DNAH6: variants seen among roughly 807,000 people sequenced by gnomAD.
The protein encoded by DNAH6 is axonemal beta dynein heavy chain 6.
DNAH6 carries 340 observed loss-of-function variants against 491.4 expected under a neutral mutation model. The observed-to-expected ratio is 0.69, with a 90% CI of 0.63 to 0.76. The LOEUF (loss-of-function observed/expected upper bound fraction) is 0.76. Among genes scored for constraint, DNAH6 ranks in the 30% least tolerant of loss-of-function variants. DNAH6 has a pLI of 0.00. For missense variants in DNAH6, 4,443 were observed against 4,972.2 expected (o/e 0.89, Z 3.20); for synonymous variants, 1,603 against 1,686.1 (o/e 0.95, Z 1.21).
chr2:84,539,244 C>T (rs985339585), intron 4 of DNAH6, among the ~76,000 whole-genome samples: 1 of 152,114 alleles, frequency 6.6e-6, no homozygotes, highest in Non-Finnish European at 1.5e-5. Context: ...CCCTGGTTTA[C>T]ATTAGATCTA....
chr2:84,542,545 A>C (rs545083538), intron 4 of DNAH6, among the ~76,000 whole-genome samples: 1 of 152,204 alleles, frequency 6.6e-6, no homozygotes, highest in South Asian at 2.1e-4. Flanking sequence ...AGTTGGAGGG[A>C]CTATTCCTCT....
At chr2:84,597,461 G>A (rs1002063080) in intron 18 of DNAH6, among the ~76,000 whole-genome samples, 3 of 152,222 alleles carry the variant, frequency 2.0e-5, no homozygotes, top group African/African-American at 7.2e-5. Context: ...ATAGGAATAA[G>A]TGTTGTAGGG....
Position 84,713,184 on chromosome 2 carries a change from C to T in DNAH6, c.9468C>T (p.Asp3156=), listed in dbSNP as rs369442226. 90 of 1,551,842 alleles carry T rather than the reference C, an allele frequency of 5.8e-5. 1 individual carries two copies. The highest frequency in any genetic ancestry group is 5.9e-5 in the Admixed American group (3 of 50,998). Residue 3156 remains aspartate (D), a synonymous_variant, in exon 57 of 77, where the codon GAC becomes GAT. Coordinates refer to ENST00000389394, the MANE Select transcript of DNAH6 (RefSeq NM_001370.2). ...GCCGACTACTCATCCGTCTTGGAGA[C>T]TCAGACATTGATTATGACAAAAACT... is the stretch of plus-strand genomic sequence containing the variant. ...SGGRLLIRLG[D]SDIDYDKNFR...
chr2:84,766,981 T>C (rs1274649154), intron 64 of DNAH6, among the ~76,000 whole-genome samples: 1 of 152,138 alleles, frequency 6.6e-6, no homozygotes, highest in African/African-American at 2.4e-5. Context: ...CTAGTATCTC[T>C]GGATGCCTGC....
chr2:84,534,536 T>C (rs1487347490), intron 4 of DNAH6, among the ~76,000 whole-genome samples: 1 of 152,086 alleles, frequency 6.6e-6, no homozygotes, highest in African/African-American at 2.4e-5. Flanking sequence ...GCAAAACTCT[T>C]TGTTTTGTGT....
chr2:84,676,598 T>A (rs530597209), intron 40 of DNAH6, among the ~76,000 whole-genome samples: 27 of 152,320 alleles, frequency 1.8e-4, no homozygotes, highest in Admixed American at 1.6e-3. Flanking sequence ...CACAGAAACC[T>A]AACCCTAGGA....
intron 39 of DNAH6, among the ~76,000 whole-genome samples, chr2:84,671,600 G>T (rs1185530020): frequency 6.6e-6 from 1 of 152,274 alleles, no homozygotes; most frequent in Admixed American, 6.5e-5. Flanking sequence ...TCTGGTGGGG[G>T]CCCCAAATTC....
chr2:84,481,207 A>G, the DNAH6 span, among the ~76,000 whole-genome samples: 7 of 152,250 alleles, frequency 4.6e-5, no homozygotes, highest in Admixed American at 2.0e-4. Flanking sequence ...GTGTCCTGCT[A>G]CCACCACTTA....
chr2:84,705,473 G>C lies in DNAH6; in HGVS notation c.8466-13G>C. 6.5e-7 allele frequency: 1 copy of C among 1,531,166 alleles called. No individual in the cohort carries two copies. The highest frequency in any genetic ancestry group is 8.8e-7 in the Non-Finnish European group (1 of 1,138,116). 94.8% of individuals were successfully genotyped at this position (1,531,166 alleles called of 1,614,324 possible). A position where few individuals can be genotyped will look rare whatever the true frequency, so the allele number is the denominator to read the frequency against. ...CATTTCAGTGCCATTAATATATCAT[G>C]TCTGTCTTTCAGGCCTGATTGGCCA... is the stretch of plus-strand genomic sequence containing the variant. On this transcript the variant is annotated splice_polypyrimidine_tract_variant and intron_variant, in intron 51 of 76. Transcript: ENST00000389394.
In DNAH6 at chr2:84,658,158, A is replaced by G. The variant is rs1437803253; in HGVS notation, c.5758-134A>G. The G allele has an allele frequency of 7.6e-6, 4 of 523,628 alleles. No homozygotes were observed. The East Asian group carries it at 1.3e-4, about 18-fold the overall frequency. 32.4% of individuals were successfully genotyped at this position (523,628 alleles called of 1,614,324 possible). On this transcript the variant is annotated intron_variant, in intron 35 of 76. Coordinates refer to ENST00000389394, the MANE Select transcript of DNAH6 (RefSeq NM_001370.2). ...TTCCTTAAAATTTAATTTGTTTAAT[A>G]TGTTGTGATAGTTATAGCCTTTGGT...
At chr2:84,723,138 G>T (rs1453806791) in intron 60 of DNAH6, among the ~76,000 whole-genome samples, 2 of 152,128 alleles carry the variant, frequency 1.3e-5, no homozygotes, top group Admixed American at 6.5e-5. Flanking sequence ...TGGGGCAGGA[G>T]AATTGCTTAA....
chr2:84,592,864 G>C (rs1460349350), intron 16 of DNAH6, among the ~76,000 whole-genome samples: 3 of 152,124 alleles, frequency 2.0e-5, no homozygotes, highest in African/African-American at 7.2e-5. Flanking sequence ...TCATTTATAT[G>C]AGATATCTAA....
At chr2:84,530,243 G>GA (rs1168658565) in intron 4 of DNAH6, among the ~76,000 whole-genome samples, 1 of 152,082 alleles carries the variant, frequency 6.6e-6, no homozygotes, top group African/African-American at 2.4e-5. Flanking sequence ...AGTATTGGAG[G>GA]AAAAAAATAG....
Position 84,670,342 on chromosome 2 carries a change from A to T in DNAH6, c.6321A>T (p.Lys2107Asn). 1 of 1,529,206 alleles carries T rather than the reference A, an allele frequency of 6.5e-7. No homozygotes were observed. Among genetic ancestry groups the T allele is most frequent in the Non-Finnish European group, 8.8e-7 (1 of 1,135,048 alleles). The allele number at this position is 1,529,206 out of a possible 1,614,324, so 94.7% of individuals were successfully genotyped here. A position where few individuals can be genotyped will look rare whatever the true frequency, so the allele number is the denominator to read the frequency against. ...TTTAATTTAAGTCTGTGATTGCAAA[A>T]GGATTGCTAAATAAAATTCAAGAAT... is the stretch of plus-strand genomic sequence containing the variant. ...ITGVGKSVIA[K>N]GLLNKIQESA... The change falls in exon 39 of 77, where the codon AAA becomes AAT. Residue 2107 changes from lysine to asparagine, a missense_variant. Physicochemically the swap from Lys to Asn is moderately conservative, Grantham distance 94 (BLOSUM62 0). This residue lies in a region of DNAH6 where 2,977 missense variants were observed against 3,296.6 expected (regional missense o/e 0.90). Transcript: ENST00000389394.
At chr2:84,636,144 G>C (rs756530581) in intron 30 of DNAH6, among the ~76,000 whole-genome samples, 2 of 152,034 alleles carry the variant, frequency 1.3e-5, no homozygotes, top group Non-Finnish European at 2.9e-5. Context: ...TGCCAATTTT[G>C]ATCCTATCAC....
the DNAH6 span, among the ~76,000 whole-genome samples, chr2:84,465,291 C>T: frequency 6.6e-6 from 1 of 152,072 alleles, no homozygotes; most frequent in East Asian, 1.9e-4. Context: ...GTCAGGAGAT[C>T]GAGACCATCC....
intron 54 of DNAH6, 28 bp from the exon 55 acceptor site, chr2:84,709,315 A>C: frequency 6.5e-7 from 1 of 1,550,056 alleles, no homozygotes; most frequent in Non-Finnish European, 8.7e-7. Context: ...TCCTGACTCT[A>C]CTCAAGTAAG....
At chr2:84,641,447 T>C (rs1456736060) in intron 32 of DNAH6, among the ~76,000 whole-genome samples, 1 of 152,062 alleles carries the variant, frequency 6.6e-6, no homozygotes, top group Non-Finnish European at 1.5e-5. Context: ...GTCCAGTGGG[T>C]CGTAGAGACA....
intron 11 of DNAH6, among the ~76,000 whole-genome samples, chr2:84,562,175 A>G (rs1331119778): frequency 6.6e-6 from 1 of 152,178 alleles, no homozygotes; most frequent in East Asian, 1.9e-4. Context: ...AGTAAAACCC[A>G]ACAAATCAAA....
Sources: gnomAD v4.1 joint callset for allele counts (sites outside exome capture counted in the v4.1 genomes callset) on GRCh38, gnomAD v4.1.1 for gene constraint, gnomAD v4.1.1 regional missense constraint, MANE v1.5 for transcripts, NCBI Gene and HGNC (gene_info 2026-07-23, HGNC 2026-07-21) for gene names.